EYS: variants seen among roughly 807,000 people sequenced by gnomAD.
EYS encodes protein eyes shut homolog.
Under a neutral mutation model 282.1 loss-of-function variants are expected in EYS, and 250 were observed. That is an observed-to-expected ratio of 0.89 (90% CI 0.80 to 0.98). EYS has a LOEUF of 0.98. Ranked by LOEUF, EYS falls within the 50% of genes least tolerant of loss-of-function variation. EYS has a pLI of 0.00. For synonymous variants in EYS, 1,355 were observed against 1,282.9 expected (o/e 1.06, Z -1.20); for missense variants, 4,016 against 3,709.0 (o/e 1.08, Z -2.15).
chr6:64,658,906 A>G (rs1408611581), intron 22 of EYS, among the ~76,000 whole-genome samples: 1 of 152,108 alleles, frequency 6.6e-6, no homozygotes, highest in Non-Finnish European at 1.5e-5. Context: ...CATCTTCAGA[A>G]CTCTCCACCC....
intron 31 of EYS, among the ~76,000 whole-genome samples, chr6:64,133,595 C>G (rs781072485): frequency 2.6e-4 from 39 of 151,934 alleles, no homozygotes; most frequent in Non-Finnish European, 4.7e-4. Context: ...TTTATATGCA[C>G]ACATGTTTTA....
intron 18 of EYS, among the ~76,000 whole-genome samples, chr6:64,896,414 C>T (rs1340291968): frequency 6.6e-6 from 1 of 152,150 alleles, no homozygotes; most frequent in Non-Finnish European, 1.5e-5. Flanking sequence ...AGATACTATG[C>T]TTTTCTCATG....
chr6:65,027,917 G>C (rs1334254339), intron 13 of EYS, among the ~76,000 whole-genome samples: 1 of 152,092 alleles, frequency 6.6e-6, no homozygotes, highest in Non-Finnish European at 1.5e-5. Context: ...TTTCACTTGA[G>C]TAAATACTTG....
At chr6:64,904,207 A>G (rs1767754960) in intron 16 of EYS, among the ~76,000 whole-genome samples, 1 of 152,216 alleles carries the variant, frequency 6.6e-6, no homozygotes, top group Admixed American at 6.5e-5. Flanking sequence ...TTATGGGGCT[A>G]GCAGACCAGG....
chr6:65,152,962 C>T (rs1057278870), intron 12 of EYS, among the ~76,000 whole-genome samples: 4 of 150,334 alleles, frequency 2.7e-5, no homozygotes, highest in South Asian at 2.1e-4. Flanking sequence ...AGAGCACAGA[C>T]GGCGACACTT....
At chr6:64,348,819 C>G (rs1340442908) in intron 29 of EYS, among the ~76,000 whole-genome samples, 1 of 151,410 alleles carries the variant, frequency 6.6e-6, no homozygotes, top group Non-Finnish European at 1.5e-5. Context: ...CTCTCCCTTA[C>G]TTCCCTATAC....
intron 2 of EYS, among the ~76,000 whole-genome samples, chr6:65,545,692 T>C (rs191961401): frequency 1.3e-5 from 2 of 152,236 alleles, no homozygotes; most frequent in Admixed American, 6.5e-5. Flanking sequence ...CAAAATAAGC[T>C]ACATATTTAT....
chr6:64,031,378 T>G (rs1769824147), intron 33 of EYS, among the ~76,000 whole-genome samples: 1 of 152,180 alleles, frequency 6.6e-6, no homozygotes, highest in Non-Finnish European at 1.5e-5. Context: ...ACATGCAGCC[T>G]GCCATGCCTG....
At chr6:64,907,095 T>C (rs1767853073) in intron 16 of EYS, among the ~76,000 whole-genome samples, 1 of 152,140 alleles carries the variant, frequency 6.6e-6, no homozygotes, top group Non-Finnish European at 1.5e-5. Flanking sequence ...CTCTGTTGCC[T>C]AAGCTGAAAT....
chr6:65,521,016 T>C (rs1289689590), intron 2 of EYS, among the ~76,000 whole-genome samples: 2 of 152,180 alleles, frequency 1.3e-5, no homozygotes, highest in Non-Finnish European at 2.9e-5. Flanking sequence ...TGTTCCAATT[T>C]GCTGTTTGCA....
intron 35 of EYS, among the ~76,000 whole-genome samples, chr6:63,962,568 T>A (rs1231131856): frequency 6.6e-6 from 1 of 152,158 alleles, no homozygotes; most frequent in Non-Finnish European, 1.5e-5. Context: ...AGATACCATC[T>A]CACACCAGTT....
chr6:65,054,158 C>T (rs1416647131), intron 13 of EYS, among the ~76,000 whole-genome samples: 1 of 151,846 alleles, frequency 6.6e-6, no homozygotes, highest in Non-Finnish European at 1.5e-5. Flanking sequence ...AAAGTCTTTC[C>T]TATTAGCATT....
intron 12 of EYS, among the ~76,000 whole-genome samples, chr6:65,132,150 C>G (rs1034046549): frequency 2.0e-5 from 3 of 151,440 alleles, no homozygotes; most frequent in Non-Finnish European, 4.4e-5. Flanking sequence ...TAAGGAAGAG[C>G]TGATTCCTAC....
chr6:64,691,840 TA>T (rs1297556890), intron 22 of EYS, among the ~76,000 whole-genome samples: 4 of 152,186 alleles, frequency 2.6e-5, no homozygotes, highest in Non-Finnish European at 1.5e-5. Flanking sequence ...TTCATTCTTT[TA>T]TATGGTAGCA....
chr6:65,196,171 C>T (rs990458600), intron 12 of EYS, among the ~76,000 whole-genome samples: 2 of 151,708 alleles, frequency 1.3e-5, no homozygotes, highest in African/African-American at 4.8e-5. Context: ...CTATTATTTC[C>T]CAAACGAGTG....
At chr6:65,701,615 T>G (rs1292417030) in intron 1 of EYS, among the ~76,000 whole-genome samples, 3 of 152,188 alleles carry the variant, frequency 2.0e-5, no homozygotes, top group Non-Finnish European at 4.4e-5. Flanking sequence ...CTCACCCTAT[T>G]TGAATTATCT....
chr6:64,697,427 G>A (rs974883595), intron 22 of EYS, among the ~76,000 whole-genome samples: 1 of 152,150 alleles, frequency 6.6e-6, no homozygotes, highest in East Asian at 1.9e-4. Context: ...AGACAGCAAT[G>A]CAATCATATT....
intron 35 of EYS, among the ~76,000 whole-genome samples, chr6:63,915,928 C>G (rs147585452): frequency 9.1e-4 from 139 of 152,218 alleles, no homozygotes; most frequent in African/African-American, 3.3e-3. Context: ...GGAATCTACT[C>G]CTGGTGAAGT....
intron 28 of EYS, among the ~76,000 whole-genome samples, chr6:64,415,285 T>C (rs1272327664): frequency 6.6e-6 from 1 of 152,198 alleles, no homozygotes; most frequent in African/African-American, 2.4e-5. Context: ...AACAACAACA[T>C]AGGCCTTATG....
Sources: allele counts gnomAD v4.1 joint callset (sites outside exome capture counted in the v4.1 genomes callset), GRCh38; gene constraint gnomAD v4.1.1; transcripts MANE v1.5; gene names NCBI Gene and HGNC (gene_info 2026-07-23, HGNC 2026-07-21).